The following CDH4 variants were observed in gnomAD, a reference collection of about 807,000 sequenced individuals.
CDH4 encodes the protein cadherin 4.
CDH4 carries 33 observed loss-of-function variants against 86.0 expected under a neutral mutation model. The observed-to-expected ratio is 0.38, with a 90% CI of 0.29 to 0.51. The LOEUF (loss-of-function observed/expected upper bound fraction) is 0.51. CDH4 is among the 20% of genes least tolerant of loss of function. CDH4 has a pLI of 0.86. For missense variants in CDH4, 1,114 were observed against 1,307.4 expected (o/e 0.85, Z 2.28); for synonymous variants, 555 against 549.4 (o/e 1.01, Z -0.14).
chr20:61,584,672 G>A (rs2086456409), intron 2 of CDH4, among the ~76,000 whole-genome samples: 1 of 152,202 alleles, frequency 6.6e-6, no homozygotes, highest in African/African-American at 2.4e-5. Context: ...CACGAGCTCA[G>A]CAGATAACCC....
At chr20:61,575,266 T>C (rs6121700) in intron 2 of CDH4, among the ~76,000 whole-genome samples, 1 of 152,284 alleles carries the variant, frequency 6.6e-6, no homozygotes, top group African/African-American at 2.4e-5. Context: ...ACGACAGGTC[T>C]AAGCCTGTGT....
chr20:61,628,529 G>A (rs972979658), intron 2 of CDH4, among the ~76,000 whole-genome samples: 18 of 152,202 alleles, frequency 1.2e-4, no homozygotes, highest in African/African-American at 4.3e-4. Flanking sequence ...AGAGCATGAG[G>A]CCGAGCTCCT....
intron 7 of CDH4, among the ~76,000 whole-genome samples, chr20:61,877,312 G>A (rs1331377720): frequency 1.3e-5 from 2 of 152,098 alleles, no homozygotes; most frequent in Non-Finnish European, 2.9e-5. Flanking sequence ...GAGGCAAGGC[G>A]GGGCCAGCCT....
chr20:61,766,843 A>G (rs2088705210), intron 3 of CDH4, among the ~76,000 whole-genome samples: 1 of 152,196 alleles, frequency 6.6e-6, no homozygotes, highest in African/African-American at 2.4e-5. Flanking sequence ...CCGAGATATA[A>G]TACCCACCAT....
At chr20:61,452,805 G>A (rs1032796459) in intron 2 of CDH4, among the ~76,000 whole-genome samples, 2 of 152,188 alleles carry the variant, frequency 1.3e-5, no homozygotes, top group African/African-American at 4.8e-5. Flanking sequence ...CCCCTGGCAG[G>A]TGGAGAAGAT....
At chr20:61,731,330 C>T (rs925030348) in intron 2 of CDH4, among the ~76,000 whole-genome samples, 2 of 152,134 alleles carry the variant, frequency 1.3e-5, no homozygotes, top group East Asian at 1.9e-4. Context: ...TCTGTGTTCC[C>T]GCAGCACCCT....
chr20:61,305,057 G>A (rs1016210738), intron 2 of CDH4, among the ~76,000 whole-genome samples: 1 of 151,844 alleles, frequency 6.6e-6, no homozygotes, highest in African/African-American at 2.4e-5. Flanking sequence ...TGCGTGTGTT[G>A]TGTATGTGCA....
At chr20:61,625,485 A>G (rs2086822497) in intron 2 of CDH4, among the ~76,000 whole-genome samples, 1 of 152,188 alleles carries the variant, frequency 6.6e-6, no homozygotes, top group Admixed American at 6.5e-5. Flanking sequence ...TGGGAGTCGG[A>G]AGCATGACAA....
intron 2 of CDH4, among the ~76,000 whole-genome samples, chr20:61,400,809 CTTG>C (rs2085045537): frequency 2.6e-5 from 4 of 152,210 alleles, no homozygotes; most frequent in Non-Finnish European, 5.9e-5. Context: ...CCATCACCTC[CTTG>C]TTGTTCTGGC....
intron 2 of CDH4, among the ~76,000 whole-genome samples, chr20:61,534,661 C>CT (rs2085981647): frequency 1.1e-5 from 1 of 89,304 alleles, no homozygotes; most frequent in African/African-American, 7.6e-5. Flanking sequence ...TTCTTTCTTT[C>CT]TTTCTTTTTT....
chr20:61,500,423 G>A (rs921451467), intron 2 of CDH4, among the ~76,000 whole-genome samples: 4 of 152,238 alleles, frequency 2.6e-5, no homozygotes, highest in Admixed American at 6.5e-5. Context: ...CATCACGGGC[G>A]TGGAGAGGGA....
At chr20:61,372,738 C>T (rs1489009580) in intron 2 of CDH4, among the ~76,000 whole-genome samples, 1 of 152,176 alleles carries the variant, frequency 6.6e-6, no homozygotes, top group Non-Finnish European at 1.5e-5. Context: ...CTCAGTTTTG[C>T]CACAGATGAG....
chr20:61,526,257 C>T (rs1004003102), intron 2 of CDH4, among the ~76,000 whole-genome samples: 2 of 151,834 alleles, frequency 1.3e-5, no homozygotes, highest in Non-Finnish European at 2.9e-5. Flanking sequence ...GGGATAAACA[C>T]GACCCGCCTG....
chr20:61,915,274 A>G (rs556981946), intron 9 of CDH4, among the ~76,000 whole-genome samples: 1 of 152,316 alleles, frequency 6.6e-6, no homozygotes, highest in East Asian at 1.9e-4. Context: ...TGTTCAGGAC[A>G]ACGTTCCACA....
At chr20:61,532,873 G>C (rs62201786) in intron 2 of CDH4, among the ~76,000 whole-genome samples, 23,885 of 152,108 alleles carry the variant, frequency 0.16, 2,188 homozygotes, top group East Asian at 0.45. Context: ...CTCAGAGTTT[G>C]GCAGGTCAGT....
chr20:61,511,122 T>C (rs2085776477), intron 2 of CDH4, among the ~76,000 whole-genome samples: 1 of 152,134 alleles, frequency 6.6e-6, no homozygotes, highest in Admixed American at 6.5e-5. Flanking sequence ...TAACATGAGA[T>C]TTGCTGGGGG....
intron 2 of CDH4, among the ~76,000 whole-genome samples, chr20:61,578,613 C>T (rs1053059218): frequency 1.3e-5 from 2 of 152,178 alleles, no homozygotes; most frequent in African/African-American, 4.8e-5. Context: ...AGAGCCGACT[C>T]AAGGGGTGGT....
At chr20:61,694,159 G>T (rs1312072245) in intron 2 of CDH4, among the ~76,000 whole-genome samples, 1 of 152,176 alleles carries the variant, frequency 6.6e-6, no homozygotes, top group Admixed American at 6.5e-5. Flanking sequence ...TATGATCACA[G>T]GTGTGAGCCA....
intron 5 of CDH4, among the ~76,000 whole-genome samples, chr20:61,850,521 A>G (rs1982666061): frequency 6.6e-6 from 1 of 152,216 alleles, no homozygotes; most frequent in African/African-American, 2.4e-5. Flanking sequence ...TCCCACACAC[A>G]TCTGGACAGT....
Sources: allele counts gnomAD v4.1 joint callset (sites outside exome capture counted in the v4.1 genomes callset), GRCh38; gene constraint gnomAD v4.1.1; transcripts MANE v1.5; gene names NCBI Gene and HGNC (gene_info 2026-07-23, HGNC 2026-07-21).